Variants in SCHIP1 observed in about 807,000 individuals in gnomAD.
The protein encoded by SCHIP1 is schwannomin interacting protein 1.
A neutral mutation model predicts 29.7 loss-of-function variants in SCHIP1; 8 were observed. The observed-to-expected ratio is 0.27, with a 90% CI of 0.16 to 0.49. SCHIP1 has a LOEUF of 0.49. Among genes scored for constraint, SCHIP1 ranks in the 20% least tolerant of loss-of-function variants. The pLI is 0.99. For synonymous variants in SCHIP1, 76 were observed against 94.9 expected, an observed-to-expected ratio of 0.80 and a Z score of 1.16; for missense variants, 193 against 294.6, an observed-to-expected ratio of 0.66 and a Z score of 2.52.
intron 1 of SCHIP1, among the ~76,000 whole-genome samples, chr3:159,860,249 C>T (rs1658948464): frequency 6.6e-6 from 1 of 152,182 alleles, no homozygotes; most frequent in Non-Finnish European, 1.5e-5. Flanking sequence ...CTTTAACAAG[C>T]ATTTCCTGGG....
At chr3:159,436,009 G>A in the SCHIP1 span, among the ~76,000 whole-genome samples, 3 of 152,138 alleles carry the variant, frequency 2.0e-5, no homozygotes, top group Non-Finnish European at 4.4e-5. Context: ...TCCTAAGTGT[G>A]TGTCTTAAAT....
the SCHIP1 span, among the ~76,000 whole-genome samples, chr3:159,281,750 C>A: frequency 1.3e-5 from 2 of 151,966 alleles, no homozygotes; most frequent in African/African-American, 2.4e-5. Context: ...TTGTAATATT[C>A]TCTGTCTCAT....
At chr3:159,705,067 G>A in the SCHIP1 span, among the ~76,000 whole-genome samples, 5 of 149,776 alleles carry the variant, frequency 3.3e-5, no homozygotes, top group Non-Finnish European at 4.5e-5. Context: ...GTGTTCAAGC[G>A]ATTCTCCTGC....
At chr3:159,670,152 G>T in the SCHIP1 span, among the ~76,000 whole-genome samples, 1 of 152,186 alleles carries the variant, frequency 6.6e-6, no homozygotes, top group African/African-American at 2.4e-5. Context: ...CAAAATCTTG[G>T]TTGTATAAAT....
chr3:159,385,775 A>G, the SCHIP1 span, among the ~76,000 whole-genome samples: 1 of 152,150 alleles, frequency 6.6e-6, no homozygotes, highest in East Asian at 1.9e-4. Flanking sequence ...ACATAGGTAT[A>G]CATGTGCCAT....
At chr3:159,710,427 G>T in the SCHIP1 span, among the ~76,000 whole-genome samples, 5 of 151,724 alleles carry the variant, frequency 3.3e-5, no homozygotes, top group Non-Finnish European at 7.4e-5. Flanking sequence ...GTTAGTCAAA[G>T]GGTACAAAGT....
chr3:159,615,723 T>C, the SCHIP1 span, among the ~76,000 whole-genome samples: 1 of 152,180 alleles, frequency 6.6e-6, no homozygotes, highest in Admixed American at 6.5e-5. Context: ...ATGTGGGAGA[T>C]GCAGAAACGA....
the SCHIP1 span, among the ~76,000 whole-genome samples, chr3:159,799,552 C>G: frequency 6.6e-6 from 1 of 152,200 alleles, no homozygotes; most frequent in Admixed American, 6.5e-5. Context: ...GCCTGCTGGC[C>G]AACTGACAGA....
At chr3:159,736,976 C>T in the SCHIP1 span, among the ~76,000 whole-genome samples, 1 of 152,078 alleles carries the variant, frequency 6.6e-6, no homozygotes, top group South Asian at 2.1e-4. Flanking sequence ...CCTCATGATC[C>T]GCCCACCTCG....
the SCHIP1 span, among the ~76,000 whole-genome samples, chr3:159,690,712 T>A: frequency 6.6e-6 from 1 of 152,236 alleles, no homozygotes. Context: ...AGATCTCTCC[T>A]GCTTTCTCCT....
At chr3:159,765,205 G>GC in the SCHIP1 span, 1 of 1,454,358 alleles carries the variant, frequency 6.9e-7, no homozygotes, top group Admixed American at 2.4e-5. Flanking sequence ...CAGCCCGCAC[G>GC]CCCCCTCCCT....
At chr3:159,612,964 T>G in the SCHIP1 span, among the ~76,000 whole-genome samples, 1 of 152,198 alleles carries the variant, frequency 6.6e-6, no homozygotes, top group Non-Finnish European at 1.5e-5. Context: ...ATTAAATTCT[T>G]TAACAATTTT....
At chr3:159,796,696 T>C in the SCHIP1 span, among the ~76,000 whole-genome samples, 2 of 141,298 alleles carry the variant, frequency 1.4e-5, no homozygotes, top group South Asian at 4.8e-4. Flanking sequence ...ACCATTGTCT[T>C]ACAGCAAAGT....
At chr3:159,759,656 G>A in the SCHIP1 span, among the ~76,000 whole-genome samples, 4 of 152,144 alleles carry the variant, frequency 2.6e-5, no homozygotes, top group Non-Finnish European at 4.4e-5. Context: ...ACCCCACAGG[G>A]CTGTTAAATA....
At chr3:159,364,742 C>T in the SCHIP1 span, among the ~76,000 whole-genome samples, 127 of 152,254 alleles carry the variant, frequency 8.3e-4, 1 homozygote, top group South Asian at 0.025. Flanking sequence ...AAGTGACTCA[C>T]GGGTTCAAAG....
the SCHIP1 span, among the ~76,000 whole-genome samples, chr3:159,428,886 G>A: frequency 1.3e-5 from 2 of 152,174 alleles, no homozygotes; most frequent in East Asian, 3.9e-4. Context: ...ATGAGTTCAT[G>A]TCCTTTGTAG....
chr3:159,379,037 A>G, the SCHIP1 span, among the ~76,000 whole-genome samples: 1 of 152,314 alleles, frequency 6.6e-6, no homozygotes, highest in Non-Finnish European at 1.5e-5. Context: ...GGTTGTTTAC[A>G]CATTTGTAAC....
At chr3:159,682,673 A>G in the SCHIP1 span, among the ~76,000 whole-genome samples, 1 of 152,162 alleles carries the variant, frequency 6.6e-6, no homozygotes, top group Non-Finnish European at 1.5e-5. Context: ...ACACAAGATG[A>G]AGTGTGGAAT....
the SCHIP1 span, among the ~76,000 whole-genome samples, chr3:159,345,073 CA>C: frequency 6.6e-6 from 1 of 151,540 alleles, no homozygotes; most frequent in African/African-American, 2.4e-5. Flanking sequence ...ACTAAAAATT[CA>C]AAAATTAGCT....
Sources: allele counts gnomAD v4.1 joint callset (sites outside exome capture counted in the v4.1 genomes callset), GRCh38; gene constraint gnomAD v4.1.1; transcripts MANE v1.5; gene names NCBI Gene and HGNC (gene_info 2026-07-23, HGNC 2026-07-21).